Variants in WWOX observed in about 807,000 individuals in gnomAD.
WWOX encodes WW domain-containing oxidoreductase.
Under a neutral mutation model 46.2 loss-of-function variants are expected in WWOX, and 69 were observed. That is an observed-to-expected ratio of 1.49 (90% confidence interval 1.23 to 1.82). The LOEUF (loss-of-function observed/expected upper bound fraction) is 1.82. WWOX is among the 40% of genes most tolerant of loss of function. WWOX has a pLI of 0.00. For synonymous variants in WWOX, 359 were observed against 202.6 expected (o/e 1.77, Z -6.56); for missense variants, 919 against 542.6 (o/e 1.69, Z -6.89).
At chr16:78,603,366 C>G (rs963333992) in intron 8 of WWOX, among the ~76,000 whole-genome samples, 1 of 152,172 alleles carries the variant, frequency 6.6e-6, no homozygotes, top group Non-Finnish European at 1.5e-5. Context: ...ATGAACGCCC[C>G]CACTGGGTGA....
At chr16:78,956,054 G>C (rs879779637) in intron 8 of WWOX, among the ~76,000 whole-genome samples, 10 of 151,918 alleles carry the variant, frequency 6.6e-5, no homozygotes, top group Admixed American at 2.0e-4. Flanking sequence ...CCAAAATTGA[G>C]CAGAAAGTAC....
chr16:78,927,827 G>A (rs2045533358), intron 8 of WWOX, among the ~76,000 whole-genome samples: 1 of 152,164 alleles, frequency 6.6e-6, no homozygotes, highest in Non-Finnish European at 1.5e-5. Flanking sequence ...GGCAGATTAA[G>A]TAGGGATTTC....
At chr16:78,612,501 A>C (rs1278324103) in intron 8 of WWOX, among the ~76,000 whole-genome samples, 3 of 152,180 alleles carry the variant, frequency 2.0e-5, no homozygotes, top group Non-Finnish European at 4.4e-5. Flanking sequence ...TTTTGTAGAC[A>C]GAGCTCAATC....
chr16:78,546,635 C>T (rs767210431), intron 8 of WWOX, among the ~76,000 whole-genome samples: 110 of 152,218 alleles, frequency 7.2e-4, no homozygotes, highest in Middle Eastern at 6.8e-3. Flanking sequence ...ATTCCTAGTC[C>T]CACTCCCTAA....
intron 4 of WWOX, among the ~76,000 whole-genome samples, chr16:78,143,972 C>T (rs940514653): frequency 6.6e-6 from 1 of 152,052 alleles, no homozygotes; most frequent in Non-Finnish European, 1.5e-5. Context: ...GCATAATTTA[C>T]ATGTTGTAAA....
chr16:78,773,790 T>C (rs2050123221), intron 8 of WWOX, among the ~76,000 whole-genome samples: 2 of 152,160 alleles, frequency 1.3e-5, no homozygotes, highest in South Asian at 4.1e-4. Context: ...TTTGAGCTAA[T>C]TGGGATCAGG....
At chr16:79,210,490 A>C (rs891121207) in intron 8 of WWOX, among the ~76,000 whole-genome samples, 1 of 152,110 alleles carries the variant, frequency 6.6e-6, no homozygotes, top group African/African-American at 2.4e-5. Context: ...TTTCCCCCAC[A>C]ATCAAAGTTC....
At chr16:78,755,767 G>C (rs2049630027) in intron 8 of WWOX, among the ~76,000 whole-genome samples, 1 of 152,086 alleles carries the variant, frequency 6.6e-6, no homozygotes, top group Middle Eastern at 3.2e-3. Context: ...AAGGGGCATG[G>C]GGATAATTAC....
At chr16:79,133,389 A>C (rs111422018) in intron 8 of WWOX, among the ~76,000 whole-genome samples, 6 of 152,336 alleles carry the variant, frequency 3.9e-5, no homozygotes, top group African/African-American at 1.4e-4. Flanking sequence ...AATGGGAGCA[A>C]AGATTGATGT....
At chr16:79,168,657 G>T (rs1212761131) in intron 8 of WWOX, among the ~76,000 whole-genome samples, 1 of 152,086 alleles carries the variant, frequency 6.6e-6, no homozygotes, top group Non-Finnish European at 1.5e-5. Flanking sequence ...GAATTTCCAG[G>T]TACTTTCACC....
At chr16:78,389,398 A>T (rs1433810408) in intron 6 of WWOX, among the ~76,000 whole-genome samples, 1 of 152,158 alleles carries the variant, frequency 6.6e-6, no homozygotes, top group African/African-American at 2.4e-5. Flanking sequence ...ACCGCACACA[A>T]GCTGTCACCT....
At chr16:78,989,929 T>A (rs2046852912) in intron 8 of WWOX, among the ~76,000 whole-genome samples, 1 of 151,206 alleles carries the variant, frequency 6.6e-6, no homozygotes, top group African/African-American at 2.4e-5. Flanking sequence ...ATGTCTGTAA[T>A]TCTAGCACTT....
At chr16:78,898,302 C>G (rs186726221) in intron 8 of WWOX, 8 of 152,254 alleles carry the variant, frequency 5.3e-5, no homozygotes, top group Non-Finnish European at 5.9e-5. Flanking sequence ...TGTTCCATCT[C>G]AAATTAATTT....
chr16:78,427,440 G>C (rs971699108), intron 7 of WWOX, among the ~76,000 whole-genome samples: 2 of 152,138 alleles, frequency 1.3e-5, no homozygotes, highest in Admixed American at 6.5e-5. Flanking sequence ...AGAATGAAAA[G>C]AGCAGAGTGC....
intron 8 of WWOX, among the ~76,000 whole-genome samples, chr16:78,954,448 T>G (rs1396028624): frequency 6.6e-6 from 1 of 152,184 alleles, no homozygotes; most frequent in Non-Finnish European, 1.5e-5. Context: ...GATGCATGGA[T>G]AGATGAATGG....
At chr16:78,705,546 C>G (rs942417812) in intron 8 of WWOX, among the ~76,000 whole-genome samples, 3 of 152,198 alleles carry the variant, frequency 2.0e-5, no homozygotes, top group East Asian at 1.9e-4. Context: ...TGGCTCTGCT[C>G]TTAGCCTGCA....
At chr16:78,945,515 C>T (rs16949006) in intron 8 of WWOX, among the ~76,000 whole-genome samples, 7,399 of 152,256 alleles carry the variant, frequency 0.049, 296 homozygotes, top group African/African-American at 0.1. Context: ...TAAATCTCTT[C>T]TGTTACTGTT....
In WWOX at chr16:78,537,429, G is replaced by T. The variant is rs924529787; in HGVS notation, c.1056+104677G>T. 7.2e-5 allele frequency among the ~76,000 whole-genome samples: 11 copies of T among 152,260 alleles called. No homozygotes were observed. The South Asian group carries it at 2.3e-3, about 32-fold the overall frequency. ...GGAACTGATTTTCTCACTGACTATAGATGTTGAGCCCATTAATGTGATACC... is the reference window on the plus strand; with the variant it reads ...GGAACTGATTTTCTCACTGACTATATATGTTGAGCCCATTAATGTGATACC... On this transcript the variant is annotated intron_variant, in intron 8 of 8. Transcript: ENST00000566780.
At chr16:78,614,445 C>T (rs890350678) in intron 8 of WWOX, among the ~76,000 whole-genome samples, 1 of 152,254 alleles carries the variant, frequency 6.6e-6, no homozygotes, top group Non-Finnish European at 1.5e-5. Flanking sequence ...CTCCTATACT[C>T]TGGCTGGGGT....
Sources: allele counts gnomAD v4.1 joint callset (sites outside exome capture counted in the v4.1 genomes callset), GRCh38; gene constraint gnomAD v4.1.1; transcripts MANE v1.5; gene names NCBI Gene and HGNC (gene_info 2026-07-23, HGNC 2026-07-21).